TP63: variants seen among roughly 807,000 people sequenced by gnomAD.
TP63 encodes tumor protein 63.
A neutral mutation model predicts 82.8 loss-of-function variants in TP63; 17 were observed. The observed-to-expected ratio is 0.21, with a 90% CI of 0.14 to 0.31. TP63 has a LOEUF of 0.31. Among genes scored for constraint, TP63 ranks in the 10% least tolerant of loss-of-function variants. TP63 has a pLI of 1.00. For synonymous variants in TP63, 330 were observed against 321.7 expected (o/e 1.03, Z -0.28); for missense variants, 648 against 895.3 (o/e 0.72, Z 3.52).
intron 10 of TP63, among the ~76,000 whole-genome samples, chr3:189,877,419 T>C (rs1719361196): frequency 6.6e-6 from 1 of 152,218 alleles, no homozygotes; most frequent in Admixed American, 6.5e-5. Flanking sequence ...TCTTTTTTCA[T>C]TTGTTAGTTG....
chr3:189,792,233 G>A (rs1229033439), intron 3 of TP63, among the ~76,000 whole-genome samples: 1 of 152,004 alleles, frequency 6.6e-6, no homozygotes, highest in Non-Finnish European at 1.5e-5. Context: ...ACACAAGCAG[G>A]ATATAACAGG....
chr3:189,747,981 T>C (rs570152290), intron 3 of TP63, among the ~76,000 whole-genome samples: 2 of 152,142 alleles, frequency 1.3e-5, no homozygotes, highest in African/African-American at 2.4e-5. Context: ...CCTGGACATA[T>C]TGCAACCTAC....
rs764752396 is a variant in TP63, at chr3:189,701,326, C to T, written c.63-36414C>T. On this transcript the variant is annotated intron_variant, in intron 1 of 13. Transcript: ENST00000264731. ...TGAAAGCTATGAAAATTCATTTCTC[C>T]GTATGTCTGAGTATCACAGTAAATG... is the stretch of plus-strand genomic sequence containing the variant. Among the ~76,000 whole-genome samples, 14 of 151,840 alleles carry T rather than the reference C, an allele frequency of 9.2e-5. No individual in the cohort carries two copies. In the Middle Eastern group the frequency reaches 0.01, roughly 111 times the overall value.
chr3:189,790,817 T>C (rs1002944520), intron 3 of TP63, among the ~76,000 whole-genome samples: 1 of 152,070 alleles, frequency 6.6e-6, no homozygotes, highest in Admixed American at 6.6e-5. Context: ...TTGAGCTCCT[T>C]AAAAATCAAA....
At chr3:189,890,676 G>C (rs1462723006) in intron 12 of TP63, 113 bp from the exon 13 acceptor site, 7 of 826,100 alleles carry the variant, frequency 8.5e-6, no homozygotes, top group Non-Finnish European at 1.4e-5. Flanking sequence ...CCTCATCTCT[G>C]ATGTGGGGCA....
intron 1 of TP63, among the ~76,000 whole-genome samples, chr3:189,692,662 A>G (rs1274100376): frequency 6.6e-6 from 1 of 152,222 alleles, no homozygotes; most frequent in African/African-American, 2.4e-5. Context: ...AAAAGACTCT[A>G]TGAACAACTG....
chr3:189,867,747 A>G (rs1717909670), intron 6 of TP63, 86 bp from the exon 7 acceptor site: 5 of 1,221,828 alleles, frequency 4.1e-6, no homozygotes, highest in Non-Finnish European at 3.6e-6. Flanking sequence ...TCAGAAGTGG[A>G]ATTCCTTAAA....
At chr3:189,826,579 T>C (rs1729376383) in intron 4 of TP63, among the ~76,000 whole-genome samples, 1 of 152,232 alleles carries the variant, frequency 6.6e-6, no homozygotes, top group Non-Finnish European at 1.5e-5. Context: ...AAGGATTGTT[T>C]ATCAGTAAGT....
At chr3:189,818,756 G>A (rs1728469219) in intron 4 of TP63, among the ~76,000 whole-genome samples, 1 of 152,044 alleles carries the variant, frequency 6.6e-6, no homozygotes, top group South Asian at 2.1e-4. Flanking sequence ...TGAAAATGTA[G>A]TTTTGGAGTG....
chr3:189,678,275 A>G (rs1432883262), intron 1 of TP63, among the ~76,000 whole-genome samples: 1 of 152,076 alleles, frequency 6.6e-6, no homozygotes, highest in Non-Finnish European at 1.5e-5. Flanking sequence ...TGCATATAGT[A>G]AAAGATGGAG....
chr3:189,894,239 C>A lies in TP63; in HGVS notation c.1780C>A (p.Arg594=), dbSNP rs900140738. Residue 594 remains arginine, a synonymous_variant, in exon 14 of 14, where the codon CGA becomes AGA. Transcript: ENST00000264731. ...LASLKIPEQF[R]HAIWKGILDH... ...AAGTCTGAAAATCCCTGAGCAATTT[C>A]GACATGCGATCTGGAAGGGCATCCT... 6.2e-7 allele frequency: 1 copy of A among 1,613,902 alleles called. No homozygotes were observed. The highest frequency in any genetic ancestry group is 8.5e-7 in the Non-Finnish European group (1 of 1,180,012).
intron 3 of TP63, among the ~76,000 whole-genome samples, chr3:189,760,250 T>G (rs1393079677): frequency 1.3e-5 from 2 of 152,124 alleles, no homozygotes; most frequent in African/African-American, 4.8e-5. Context: ...CTGCATTAAC[T>G]CAGAAGTCCC....
At chr3:189,601,474 A>C in the TP63 span, among the ~76,000 whole-genome samples, 1 of 152,134 alleles carries the variant, frequency 6.6e-6, no homozygotes, top group Non-Finnish European at 1.5e-5. Context: ...TAAATTTCTA[A>C]CTTGCAGATT....
At chr3:189,795,898 A>G (rs565352254) in intron 3 of TP63, among the ~76,000 whole-genome samples, 1 of 152,054 alleles carries the variant, frequency 6.6e-6, no homozygotes, top group Non-Finnish European at 1.5e-5. Flanking sequence ...CGTTCCTTAG[A>G]CTTCTACAGA....
chr3:189,779,739 T>C (rs886940375), intron 3 of TP63, among the ~76,000 whole-genome samples: 1 of 152,134 alleles, frequency 6.6e-6, no homozygotes, highest in Non-Finnish European at 1.5e-5. Context: ...GTATGACGTT[T>C]AACCCCTCTA....
intron 5 of TP63, among the ~76,000 whole-genome samples, chr3:189,865,793 C>A (rs1014892488): frequency 6.6e-6 from 1 of 152,192 alleles, no homozygotes; most frequent in Admixed American, 6.5e-5. Context: ...AAGAATATTG[C>A]AATATAGATA....
rs60357773 is a variant in TP63, at chr3:189,815,645, G to A, written c.579+7119G>A. On this transcript the variant is annotated intron_variant, in intron 4 of 13. Coordinates refer to ENST00000264731, the MANE Select transcript of TP63 (RefSeq NM_003722.5). ...AAAAAAAAGTTGTAAAACACTACAG[G>A]CCAAACAAAACAGTACACAGGCTGC... Among the ~76,000 whole-genome samples, 1,611 of 152,068 alleles carry A rather than the reference G, an allele frequency of 0.011. 174 individuals are homozygous for A. In the East Asian group the frequency reaches 0.26, roughly 25 times the overall value.
intron 6 of TP63, among the ~76,000 whole-genome samples, chr3:189,867,459 G>A (rs1717870796): frequency 6.6e-6 from 1 of 152,314 alleles, no homozygotes; most frequent in East Asian, 1.9e-4. Flanking sequence ...TCCACACAGG[G>A]AAAATATTCT....
At chr3:189,666,386 A>G (rs528408090) in intron 1 of TP63, among the ~76,000 whole-genome samples, 1 of 152,240 alleles carries the variant, frequency 6.6e-6, no homozygotes, top group South Asian at 2.1e-4. Flanking sequence ...TATATCAACT[A>G]ATACAAAAAT....
Sources: allele counts gnomAD v4.1 joint callset (sites outside exome capture counted in the v4.1 genomes callset), GRCh38; gene constraint gnomAD v4.1.1; transcripts MANE v1.5; gene names NCBI Gene and HGNC (gene_info 2026-07-23, HGNC 2026-07-21).